The following DEPTOR variants were observed in gnomAD, a reference collection of about 807,000 sequenced individuals.
DEPTOR encodes the protein DEP domain containing MTOR interacting protein.
DEPTOR carries 41 observed loss-of-function variants against 41.6 expected under a neutral mutation model. The ratio of observed to expected loss-of-function variants is 0.98; its 90% CI spans 0.77 to 1.28. The LOEUF is 1.28. DEPTOR is among the 50% of genes most tolerant of loss of function. DEPTOR has a pLI of 0.00. For synonymous variants in DEPTOR, 195 were observed against 192.3 expected (o/e 1.01, Z -0.12); for missense variants, 514 against 527.9 (o/e 0.97, Z 0.26).
intron 3 of DEPTOR, among the ~76,000 whole-genome samples, chr8:119,956,901 A>T (rs1243532460): frequency 6.6e-6 from 1 of 151,526 alleles, no homozygotes; most frequent in Non-Finnish European, 1.5e-5. Context: ...CACCCAGCTA[A>T]TTTTTTTGTG....
At chr8:119,980,672 C>T (rs1828756211) in intron 4 of DEPTOR, among the ~76,000 whole-genome samples, 1 of 151,868 alleles carries the variant, frequency 6.6e-6, no homozygotes, top group Non-Finnish European at 1.5e-5. Flanking sequence ...CATGTGCCAC[C>T]ACAGCCTGCT....
chr8:119,884,433 C>T (rs957907864), intron 1 of DEPTOR, among the ~76,000 whole-genome samples: 5 of 152,044 alleles, frequency 3.3e-5, no homozygotes, highest in Non-Finnish European at 7.4e-5. Flanking sequence ...CTATGCGAGT[C>T]GTGAGTGGTG....
chr8:120,000,928 T>A (rs1289703763), intron 4 of DEPTOR, among the ~76,000 whole-genome samples: 1 of 151,402 alleles, frequency 6.6e-6, no homozygotes, highest in Non-Finnish European at 1.5e-5. Flanking sequence ...AATACAAAAA[T>A]TAGCCAGGTG....
chr8:120,002,287 G>T (rs1322969720), intron 5 of DEPTOR, among the ~76,000 whole-genome samples: 4 of 150,568 alleles, frequency 2.7e-5, no homozygotes. Context: ...CTACAGGCAC[G>T]TGTCACCATG....
rs1563966306 is a variant in DEPTOR, at chr8:119,921,763, TGTTTG to T, written c.123-6636_123-6632del. On this transcript the variant is annotated intron_variant, in intron 1 of 8. Coordinates refer to ENST00000286234, the MANE Select transcript of DEPTOR (RefSeq NM_022783.4). ...CTATTCTGTAGTTTTTTTTTTTGTTTGTTTGTTTGTTTTTTGAAACAGGGTCTTGC... is the reference window on the plus strand; with the variant it reads ...CTATTCTGTAGTTTTTTTTTTTGTTTTTTGTTTTTTGAAACAGGGTCTTGC... Among the ~76,000 whole-genome samples the T allele has an allele frequency of 2.2e-3, 316 of 145,146 alleles. 25 individuals are homozygous for T. Among genetic ancestry groups the T allele is most frequent in the African/African-American group, 7.2e-3 (265 of 36,660 alleles).
At chr8:119,987,698 G>T (rs1045603457) in intron 4 of DEPTOR, among the ~76,000 whole-genome samples, 4 of 152,160 alleles carry the variant, frequency 2.6e-5, no homozygotes, top group Admixed American at 2.0e-4. Context: ...CCCTGACTGG[G>T]GCTGCTGCCT....
intron 6 of DEPTOR, among the ~76,000 whole-genome samples, chr8:120,004,526 C>G (rs1812404532): frequency 6.6e-6 from 1 of 152,102 alleles, no homozygotes; most frequent in African/African-American, 2.4e-5. Context: ...GGTGCCATAA[C>G]CATTTTACAA....
At chr8:119,934,635 T>C (rs917143551) in intron 3 of DEPTOR, among the ~76,000 whole-genome samples, 4 of 152,248 alleles carry the variant, frequency 2.6e-5, no homozygotes, top group Non-Finnish European at 5.9e-5. Context: ...AGCACACTGC[T>C]TGACATGGAC....
At chr8:120,023,962 A>G (rs975785049) in intron 8 of DEPTOR, among the ~76,000 whole-genome samples, 16 of 152,134 alleles carry the variant, frequency 1.1e-4, no homozygotes, top group Admixed American at 8.5e-4. Context: ...CTCATTGGGC[A>G]TGGTTGTTCA....
rs16893426 is a variant in DEPTOR at position 120,029,274 on chromosome 8, G to C, written c.1101+20141G>C. On this transcript the variant is annotated intron_variant, in intron 8 of 8. Coordinates refer to ENST00000286234, the MANE Select transcript of DEPTOR (RefSeq NM_022783.4). ...CTAGAAAGCCCCTACTGTTCTCTTTGGGCAACGGACATTTTTTTAAAGAAT... is the reference window on the plus strand; with the variant it reads ...CTAGAAAGCCCCTACTGTTCTCTTTCGGCAACGGACATTTTTTTAAAGAAT... Among the ~76,000 whole-genome samples the C allele has an allele frequency of 9.2e-3, 1,396 of 152,046 alleles. 19 individuals carry two copies. Among genetic ancestry groups the C allele is most frequent in the African/African-American group, 0.031 (1,285 of 41,486 alleles).
chr8:120,044,249 G>T (rs1019351003), intron 8 of DEPTOR, among the ~76,000 whole-genome samples: 1 of 151,456 alleles, frequency 6.6e-6, no homozygotes, highest in East Asian at 1.9e-4. Flanking sequence ...CCTCAGCCTC[G>T]CAAGTATCTG....
intron 1 of DEPTOR, among the ~76,000 whole-genome samples, chr8:119,926,288 G>T (rs987128893): frequency 6.6e-6 from 1 of 152,048 alleles, no homozygotes; most frequent in Non-Finnish European, 1.5e-5. Context: ...TGATGATTCA[G>T]GTGCTCTAAA....
chr8:119,893,467 C>G (rs1827476054), intron 1 of DEPTOR, among the ~76,000 whole-genome samples: 1 of 152,148 alleles, frequency 6.6e-6, no homozygotes, highest in Admixed American at 6.6e-5. Flanking sequence ...TATCTGTAGT[C>G]TATGATTTCC....
chr8:120,029,113 G>T (rs1226593408), intron 8 of DEPTOR, among the ~76,000 whole-genome samples: 1 of 151,734 alleles, frequency 6.6e-6, no homozygotes, highest in African/African-American at 2.4e-5. Context: ...ACTCATCTTG[G>T]TTACTTTGAA....
At chr8:119,944,743 C>T (rs887885786) in intron 3 of DEPTOR, among the ~76,000 whole-genome samples, 5 of 151,778 alleles carry the variant, frequency 3.3e-5, no homozygotes, top group African/African-American at 4.8e-5. Flanking sequence ...CAACCTCCGC[C>T]TCCTGGGTTT....
intron 3 of DEPTOR, among the ~76,000 whole-genome samples, chr8:119,943,844 T>C (rs1473447001): frequency 6.6e-6 from 1 of 152,080 alleles, no homozygotes. Context: ...TTTATTATTA[T>C]TATTATTTTT....
chr8:119,996,744 A>T (rs1467671449), intron 4 of DEPTOR, among the ~76,000 whole-genome samples: 2 of 152,232 alleles, frequency 1.3e-5, no homozygotes, highest in African/African-American at 2.4e-5. Context: ...GGATTTATTT[A>T]TACAGAGCCA....
At chr8:120,005,464 C>T (rs536037047) in intron 6 of DEPTOR, among the ~76,000 whole-genome samples, 1 of 152,334 alleles carries the variant, frequency 6.6e-6, no homozygotes, top group East Asian at 1.9e-4. Flanking sequence ...GGGCGAGGTC[C>T]AGCTGCCTGG....
At chr8:119,904,003 C>A (rs764646491) in intron 1 of DEPTOR, among the ~76,000 whole-genome samples, 7 of 152,110 alleles carry the variant, frequency 4.6e-5, no homozygotes, top group Non-Finnish European at 8.8e-5. Flanking sequence ...ATTCTGACAT[C>A]TTGAGCCTGA....
Sources: gnomAD v4.1 joint callset for allele counts (sites outside exome capture counted in the v4.1 genomes callset) on GRCh38, gnomAD v4.1.1 for gene constraint, MANE v1.5 for transcripts, NCBI Gene and HGNC (gene_info 2026-07-23, HGNC 2026-07-21) for gene names.